Variants in SLC13A4 observed in about 807,000 individuals in gnomAD.
SLC13A4 encodes the protein Na(+)/sulfate cotransporter SUT-1.
In SLC13A4, 28 loss-of-function variants were observed where a neutral mutation model predicts 72.7. That is an observed-to-expected ratio of 0.39 (90% CI 0.29 to 0.53). The LOEUF is 0.53. Ranked by LOEUF, SLC13A4 falls within the 20% of genes least tolerant of loss-of-function variation. The pLI is 0.78. For missense variants in SLC13A4, 653 were observed against 788.0 expected, an observed-to-expected ratio of 0.83 and a Z score of 2.05; for synonymous variants, 312 against 325.5, an observed-to-expected ratio of 0.96 and a Z score of 0.45.
At chr7:135,685,338 T>G (rs1795597053) in intron 14 of SLC13A4, among the ~76,000 whole-genome samples, 184 bp downstream of exon 14, 1 of 152,234 alleles carries the variant, frequency 6.6e-6, no homozygotes, top group African/African-American at 2.4e-5. Flanking sequence ...GTGTATCTTT[T>G]TATTTACTAG....
chr7:135,692,159 G>A, intron 11 of SLC13A4, 164 bp downstream of exon 11: 1 of 644,770 alleles, frequency 1.6e-6, no homozygotes, highest in East Asian at 2.8e-5. Flanking sequence ...ACTCCAAAGA[G>A]TGTTTTTCCT....
At position 135,691,262 on chromosome 7, in the gene SLC13A4, G is replaced by C; in HGVS notation, c.1385C>G (p.Thr462Ser). The C allele has an allele frequency of 6.2e-7, 1 of 1,613,854 alleles. No individual in the cohort carries two copies. Among genetic ancestry groups the C allele is most frequent in the Non-Finnish European group, 8.5e-7 (1 of 1,179,908 alleles). The part of the protein sequence containing the change: ...PIITWKDFQK[T>S]MPWEIVILVG... The stretch of plus-strand genomic sequence containing the variant: ...CAGAATGACAATCTCCCAGGGCATG[G>C]TCTTCTGGAAGTCCTTCCACGTGAT... The change falls in exon 13 of 16, where the codon ACC becomes AGC. Residue 462 changes from threonine (T) to serine (S), a missense_variant. Transcript: ENST00000682651.
At chr7:135,718,285 A>G (rs752709158) in intron 2 of SLC13A4, among the ~76,000 whole-genome samples, 1 of 152,118 alleles carries the variant, frequency 6.6e-6, no homozygotes, top group African/African-American at 2.4e-5. Context: ...AGAACTGAGA[A>G]AATACTGTCT....
chr7:135,681,990 G>GT lies in SLC13A4; in HGVS notation c.1747-291dup, dbSNP rs551492056. On this transcript the variant is annotated intron_variant, in intron 15 of 15. Transcript: ENST00000682651. ...CACCCACTCTGTGGAACGTGAAGAG[G>GT]TATTTCTGCAGCTCACTGATAGGGA... 1.6e-4 allele frequency among the ~76,000 whole-genome samples: 24 copies of GT among 152,284 alleles called. No individual in the cohort carries two copies. In the East Asian group the frequency reaches 2.7e-3, roughly 17 times the overall value.
In SLC13A4 at chr7:135,684,111, C is replaced by G. The variant is rs1584713010; in HGVS notation, c.1746+13G>C. ...GCAGCTGGGCCTGGCAGGGAGAGGG[C>G]ACCCCAACTCACCATATCTTTGATC... On this transcript the variant is annotated intron_variant, in intron 15 of 15. Transcript: ENST00000682651. The G allele has an allele frequency of 6.3e-7, 1 of 1,587,036 alleles. No homozygotes were observed. Among genetic ancestry groups the G allele is most frequent in the Non-Finnish European group, 8.6e-7 (1 of 1,162,224 alleles).
intron 7 of SLC13A4, 145 bp downstream of exon 7, chr7:135,701,535 C>T: frequency 1.3e-6 from 1 of 770,496 alleles, no homozygotes; most frequent in Non-Finnish European, 2.2e-6. Context: ...CCATGGCGCA[C>T]ACAGGCCAGA....
chr7:135,718,114 A>T (rs937667806), intron 2 of SLC13A4, among the ~76,000 whole-genome samples: 24 of 96,520 alleles, frequency 2.5e-4, no homozygotes, highest in Middle Eastern at 4.0e-3. Flanking sequence ...CGTGCGCGCT[A>T]GTCTCCTCTT....
At position 135,727,558 on chromosome 7, in the gene SLC13A4, C is replaced by T. The variant is rs1796695624; in HGVS notation, c.-62G>A. 1.3e-6 allele frequency: 2 copies of T among 1,513,316 alleles called. No individual in the cohort carries two copies. Among genetic ancestry groups the T allele is most frequent in the African/African-American group, 2.8e-5 (2 of 72,628 alleles). The allele number at this position is 1,513,316 out of a possible 1,614,324, so 93.7% of individuals were successfully genotyped here. ...GCTCTGCCGGCGAAAGGCTTCCTGCCTGGGCACTGCTCTCTATCCAGAAAG... is the reference window on the plus strand; with the variant it reads ...GCTCTGCCGGCGAAAGGCTTCCTGCTTGGGCACTGCTCTCTATCCAGAAAG... On this transcript the variant is annotated 5_prime_UTR_variant, in exon 1 of 16. Coordinates refer to ENST00000682651, the MANE Select transcript of SLC13A4 (RefSeq NM_001318192.2).
intron 7 of SLC13A4, 81 bp from the exon 8 acceptor site, chr7:135,699,629 T>TA (rs1795986417): frequency 2.3e-6 from 3 of 1,307,888 alleles, no homozygotes; most frequent in Non-Finnish European, 1.0e-6. Flanking sequence ...GGCACCATGG[T>TA]ACAGCGGAAA....
intron 2 of SLC13A4, among the ~76,000 whole-genome samples, chr7:135,711,397 C>G (rs1214977588): frequency 6.6e-6 from 1 of 152,200 alleles, no homozygotes; most frequent in African/African-American, 2.4e-5. Flanking sequence ...AGGTAGGCCA[C>G]TTTCTCTGGG....
At chr7:135,723,495 C>G (rs1484997321) in intron 1 of SLC13A4, among the ~76,000 whole-genome samples, 1 of 152,138 alleles carries the variant, frequency 6.6e-6, no homozygotes, top group Admixed American at 6.6e-5. Flanking sequence ...AGCTCCGTGA[C>G]TCAGAAGAGC....
At chr7:135,684,332 T>C (rs953039755) in intron 14 of SLC13A4, 71 bp from the exon 15 acceptor site, 8 of 1,510,146 alleles carry the variant, frequency 5.3e-6, no homozygotes, top group Non-Finnish European at 7.2e-6. Flanking sequence ...GTCAGGAGCA[T>C]GCTTTAATGA....
intron 1 of SLC13A4, among the ~76,000 whole-genome samples, chr7:135,723,375 AGTTGTGTT>A (rs1796586396): frequency 6.6e-6 from 1 of 152,072 alleles, no homozygotes; most frequent in South Asian, 2.1e-4. Flanking sequence ...CTTGCCCTCT[AGTTGTGTT>A]GATTGCCCTG....
rs766473903 is a variant in SLC13A4 at position 135,706,243 on chromosome 7, G to T, written c.423C>A (p.Thr141=). Residue 141 remains threonine, a synonymous_variant, in exon 4 of 16, where the codon ACC becomes ACA. Transcript: ENST00000682651. ...TTLLSMWLSN[T]STTAMVMPIV... ...TGGGCATCACCATGGCGGTGGTGGA[G>T]GTGTTGGACAGCCACATGGACAGCA... 3 of 1,613,836 alleles carry T rather than the reference G, an allele frequency of 1.9e-6. No homozygotes were observed. In the African/African-American group the frequency reaches 4.0e-5, roughly 22 times the overall value.
chr7:135,724,900 A>G (rs999733121), intron 1 of SLC13A4, among the ~76,000 whole-genome samples: 3 of 152,186 alleles, frequency 2.0e-5, no homozygotes, highest in Admixed American at 2.0e-4. Flanking sequence ...AATACTGCAA[A>G]GTTTGCTTAC....
intron 8 of SLC13A4, among the ~76,000 whole-genome samples, chr7:135,699,091 T>C (rs1249292217): frequency 6.6e-6 from 1 of 152,014 alleles, no homozygotes; most frequent in Non-Finnish European, 1.5e-5. Context: ...CAGGTGCGTG[T>C]CACCATGCTC....
At chr7:135,705,379 A>G in intron 5 of SLC13A4, 1 of 491,332 alleles carries the variant, frequency 2.0e-6, no homozygotes, top group Non-Finnish European at 3.6e-6. Flanking sequence ...TCACTGCAAC[A>G]CTGTGGTTAA....
Position 135,681,659 on chromosome 7 carries a change from T to C in SLC13A4, c.1788A>G (p.Ile596Met), listed in dbSNP as rs1450692075. The part of the protein sequence containing the change: ...GLGVNVIGLV[I>M]VMVAINTWGV... ...CCCAGGTGTTGATGGCCACCATTAC[T>C]ATCACCAGTCCAATAACGTTGACTC... is the stretch of plus-strand genomic sequence containing the variant. Residue 596 changes from isoleucine (I) to methionine (M), a missense_variant, in exon 16 of 16, where the codon ATA becomes ATG. Transcript: ENST00000682651. The C allele has an allele frequency of 3.7e-6, 6 of 1,613,964 alleles. No homozygotes were observed. The highest frequency in any genetic ancestry group is 5.1e-6 in the Non-Finnish European group (6 of 1,179,990).
At chr7:135,720,685 G>T (rs918966826) in intron 2 of SLC13A4, among the ~76,000 whole-genome samples, 2 of 151,790 alleles carry the variant, frequency 1.3e-5, no homozygotes, top group Non-Finnish European at 2.9e-5. Flanking sequence ...CCAGGTTCTG[G>T]CTGTTTTGTT....
Sources: allele counts gnomAD v4.1 joint callset (sites outside exome capture counted in the v4.1 genomes callset), GRCh38; gene constraint gnomAD v4.1.1; transcripts MANE v1.5; gene names NCBI Gene and HGNC (gene_info 2026-07-23, HGNC 2026-07-21).